Variants in EIF3H observed in about 807,000 individuals in gnomAD.
The protein encoded by EIF3H is eIF-3-gamma.
A neutral mutation model predicts 44.2 loss-of-function variants in EIF3H; 26 were observed. The observed-to-expected ratio is 0.59, with a 90% CI of 0.43 to 0.82. The LOEUF (loss-of-function observed/expected upper bound fraction) is 0.82, where lower values mean the gene tolerates loss of function less well. Among genes scored for constraint, EIF3H ranks in the 40% least tolerant of loss-of-function variants. The pLI is 0.00. For synonymous variants in EIF3H, 166 were observed against 151.9 expected (o/e 1.09, Z -0.68); for missense variants, 359 against 432.8 (o/e 0.83, Z 1.51).
At chr8:116,646,682 C>A (rs935578319) in intron 6 of EIF3H, 79 bp from the exon 7 acceptor site, 20 of 1,558,820 alleles carry the variant, frequency 1.3e-5, no homozygotes, top group Non-Finnish European at 2.6e-6. Context: ...CCTACACAAC[C>A]AGCAGAACCC....
At chr8:116,696,429 T>A (rs1452737674) in intron 2 of EIF3H, among the ~76,000 whole-genome samples, 1 of 152,184 alleles carries the variant, frequency 6.6e-6, no homozygotes, top group Non-Finnish European at 1.5e-5. Flanking sequence ...ATGACTAAAT[T>A]GAAAATTTCT....
chr8:116,668,666 C>A (rs375496845), intron 2 of EIF3H, among the ~76,000 whole-genome samples: 175 of 149,386 alleles, frequency 1.2e-3, no homozygotes, highest in African/African-American at 4.0e-3. Flanking sequence ...TGACCGGCGA[C>A]AAATTAACTA....
At chr8:116,701,694 A>C (rs147074287) in intron 2 of EIF3H, among the ~76,000 whole-genome samples, 158 of 152,354 alleles carry the variant, frequency 1.0e-3, no homozygotes, top group African/African-American at 3.5e-3. Flanking sequence ...AGAAAACATC[A>C]GATAAGCCCA....
intron 2 of EIF3H, among the ~76,000 whole-genome samples, chr8:116,661,191 TTA>T (rs1324894297): frequency 1.3e-5 from 2 of 152,230 alleles, no homozygotes; most frequent in Non-Finnish European, 2.9e-5. Flanking sequence ...CAAATTTAAT[TTA>T]TGAGTGAAAA....
intron 2 of EIF3H, chr8:116,689,207 CATGAGTTATCTAG>C: frequency 2.7e-6 from 1 of 370,112 alleles, no homozygotes; most frequent in Non-Finnish European, 5.6e-6. Flanking sequence ...ATTCCACTTA[CATGAGTTATCTAG>C]AAAGGGCAAA....
chr8:116,665,435 A>G (rs1813651143), intron 2 of EIF3H, among the ~76,000 whole-genome samples: 1 of 152,198 alleles, frequency 6.6e-6, no homozygotes, highest in Non-Finnish European at 1.5e-5. Context: ...ATCAAAGATG[A>G]CCTATACAGG....
intron 6 of EIF3H, among the ~76,000 whole-genome samples, chr8:116,648,237 G>A (rs1259199313): frequency 6.6e-6 from 1 of 152,150 alleles, no homozygotes; most frequent in Non-Finnish European, 1.5e-5. Context: ...CAATATTCCA[G>A]GAACTGTGAA....
At chr8:116,740,206 C>T (rs1815107357) in intron 1 of EIF3H, among the ~76,000 whole-genome samples, 1 of 152,204 alleles carries the variant, frequency 6.6e-6, no homozygotes, top group South Asian at 2.1e-4. Flanking sequence ...CAAAACTGAG[C>T]ATTTAGACTA....
At chr8:116,725,699 G>C (rs1202770499) in intron 2 of EIF3H, among the ~76,000 whole-genome samples, 1 of 152,132 alleles carries the variant, frequency 6.6e-6, no homozygotes, top group South Asian at 2.1e-4. Flanking sequence ...AGACACATAA[G>C]GATGATCTTT....
At chr8:116,676,878 AT>A (rs1204420114) in intron 2 of EIF3H, among the ~76,000 whole-genome samples, 1 of 152,186 alleles carries the variant, frequency 6.6e-6, no homozygotes, top group Non-Finnish European at 1.5e-5. Flanking sequence ...CATTTTCCAA[AT>A]AAGCCACTGT....
chr8:116,766,025 T>C (rs996881610), exon 1 of EIF3H: 1 of 152,268 alleles, frequency 6.6e-6, no homozygotes, highest in Non-Finnish European at 1.5e-5. Flanking sequence ...ACAAACTACG[T>C]GCCCTTCGTG....
chr8:116,646,550 G>C lies in EIF3H; in HGVS notation c.882C>G (p.Pro294=), dbSNP rs918432051. 6.2e-7 allele frequency: 1 copy of C among 1,614,128 alleles called. No individual in the cohort carries two copies. Among genetic ancestry groups the C allele is most frequent in the African/African-American group, 1.3e-5 (1 of 75,024 alleles). ...ENMQRQSRGE[P]PLPEEDLSKL... ...TGGACAGGTCCTCCTCAGGGAGCGG[G>C]GGTTCTCCTCGGCTCTGGCGCTGCA... The change falls in exon 7 of 8, where the codon CCC becomes CCG. Residue 294 remains proline (P), a synonymous_variant. Transcript: ENST00000521861.
intron 2 of EIF3H, among the ~76,000 whole-genome samples, chr8:116,690,111 A>C (rs975085500): frequency 5.3e-5 from 8 of 152,214 alleles, no homozygotes; most frequent in Non-Finnish European, 1.2e-4. Flanking sequence ...GTCCTTCTCC[A>C]TACTGGCTCT....
At chr8:116,660,630 G>A (rs1186610551) in intron 2 of EIF3H, among the ~76,000 whole-genome samples, 7 of 152,072 alleles carry the variant, frequency 4.6e-5, no homozygotes, top group Non-Finnish European at 1.0e-4. Flanking sequence ...CGGCAATGTT[G>A]CAACAGAGCT....
intron 1 of EIF3H, among the ~76,000 whole-genome samples, chr8:116,761,658 T>C (rs1238700192): frequency 6.6e-6 from 1 of 152,272 alleles, no homozygotes; most frequent in Non-Finnish European, 1.5e-5. Flanking sequence ...TCTAATTTTA[T>C]AGTGATCCGA....
At chr8:116,743,798 AAACACACACACACACAC>A (rs1815179587) in intron 1 of EIF3H, among the ~76,000 whole-genome samples, 8 of 79,684 alleles carry the variant, frequency 1.0e-4, no homozygotes, top group African/African-American at 2.7e-4. Flanking sequence ...ATATATATAT[AAACACACACACACACAC>A]ACACACACAC....
At chr8:116,756,447 C>G (rs534474713), upstream of EIF3H, among the ~76,000 whole-genome samples, 2 of 152,150 alleles carry the variant, frequency 1.3e-5, no homozygotes, top group South Asian at 4.1e-4. Context: ...CTAAAAATCA[C>G]GCTGATTTAT....
chr8:116,682,411 CTT>C (rs1814005033), intron 2 of EIF3H, among the ~76,000 whole-genome samples: 1 of 152,198 alleles, frequency 6.6e-6, no homozygotes, highest in Non-Finnish European at 1.5e-5. Context: ...GCATCTCTCT[CTT>C]GCTTTACTTT....
intron 2 of EIF3H, among the ~76,000 whole-genome samples, chr8:116,706,984 T>C (rs889451356): frequency 6.6e-6 from 1 of 152,222 alleles, no homozygotes; most frequent in African/African-American, 2.4e-5. Context: ...GCTGGGTTTA[T>C]CGGGACGTGA....
Sources: gnomAD v4.1 joint callset for allele counts (sites outside exome capture counted in the v4.1 genomes callset) on GRCh38, gnomAD v4.1.1 for gene constraint, MANE v1.5 for transcripts, NCBI Gene and HGNC (gene_info 2026-07-23, HGNC 2026-07-21) for gene names.